EFR3A: variants seen among roughly 807,000 people sequenced by gnomAD.
EFR3A encodes the protein EFR3 homolog A, also known as protein EFR3 homolog A.
Under a neutral mutation model 104.4 loss-of-function variants are expected in EFR3A, and 76 were observed. The ratio of observed to expected loss-of-function variants is 0.73; its 90% confidence interval spans 0.60 to 0.88. EFR3A has a LOEUF of 0.88. Among genes scored for constraint, EFR3A ranks in the 40% least tolerant of loss-of-function variants. EFR3A has a pLI of 0.00. For synonymous variants in EFR3A, 330 were observed against 330.0 expected (o/e 1.00, Z 0.00); for missense variants, 985 against 1,012.5 (o/e 0.97, Z 0.37).
At chr8:131,979,186 A>C (rs1040830367) in intron 13 of EFR3A, among the ~76,000 whole-genome samples, 160 bp from the exon 14 acceptor site, 1 of 152,166 alleles carries the variant, frequency 6.6e-6, no homozygotes, top group South Asian at 2.1e-4. Context: ...TAAGATAACA[A>C]ATTTTTGGAG....
intron 1 of EFR3A, among the ~76,000 whole-genome samples, chr8:131,921,085 A>G (rs1370381520): frequency 6.6e-6 from 1 of 152,144 alleles, no homozygotes; most frequent in African/African-American, 2.4e-5. Flanking sequence ...CTTTTGAAAA[A>G]CACTTGGATT....
At chr8:131,911,037 T>G (rs1287430549) in intron 1 of EFR3A, among the ~76,000 whole-genome samples, 1 of 151,908 alleles carries the variant, frequency 6.6e-6, no homozygotes, top group African/African-American at 2.4e-5. Context: ...AAATTAACCC[T>G]TTTGAGAATC....
At chr8:131,991,252 A>T (rs567682192) in intron 18 of EFR3A, among the ~76,000 whole-genome samples, 25 of 152,250 alleles carry the variant, frequency 1.6e-4, no homozygotes, top group Middle Eastern at 6.8e-3. Context: ...ACCAACCCTC[A>T]TGATTCAGTT....
intron 22 of EFR3A, among the ~76,000 whole-genome samples, chr8:132,004,066 C>G (rs1490404140): frequency 1.3e-5 from 2 of 152,166 alleles, no homozygotes; most frequent in African/African-American, 4.8e-5. Flanking sequence ...CTCTAGGCCA[C>G]TTGCTTTTTT....
At chr8:131,972,737 T>A (rs1434292961) in intron 10 of EFR3A, among the ~76,000 whole-genome samples, 1 of 152,140 alleles carries the variant, frequency 6.6e-6, no homozygotes, top group Non-Finnish European at 1.5e-5. Context: ...TAATAATAGT[T>A]TCAATTAATA....
chr8:132,001,313 C>T (rs931804497), intron 19 of EFR3A, among the ~76,000 whole-genome samples: 1 of 152,160 alleles, frequency 6.6e-6, no homozygotes, highest in African/African-American at 2.4e-5. Flanking sequence ...GTACCAAAAT[C>T]ATAGAGGCTG....
At chr8:132,001,955 C>T in intron 20 of EFR3A, 148 bp downstream of exon 20, 1 of 675,754 alleles carries the variant, frequency 1.5e-6, no homozygotes, top group Non-Finnish European at 2.5e-6. Flanking sequence ...ATTTATTTAG[C>T]TACATGTTTT....
At chr8:131,916,770 T>A (rs1816761620) in intron 1 of EFR3A, among the ~76,000 whole-genome samples, 1 of 152,186 alleles carries the variant, frequency 6.6e-6, no homozygotes, top group Non-Finnish European at 1.5e-5. Context: ...ATTTGAATAT[T>A]CCAATGTAGC....
intron 1 of EFR3A, among the ~76,000 whole-genome samples, chr8:131,928,151 G>T (rs986121217): frequency 1.3e-5 from 2 of 151,540 alleles, no homozygotes; most frequent in Non-Finnish European, 2.9e-5. Context: ...TAATTGATTG[G>T]TTGACTAGTC....
intron 18 of EFR3A, among the ~76,000 whole-genome samples, chr8:131,989,724 A>G (rs190446325): frequency 6.6e-6 from 1 of 152,306 alleles, no homozygotes; most frequent in Non-Finnish European, 1.5e-5. Context: ...TTCAAAGGGT[A>G]GAAAGGTGTT....
chr8:131,998,666 ATTTC>A (rs1821627107), intron 19 of EFR3A, among the ~76,000 whole-genome samples: 1 of 152,056 alleles, frequency 6.6e-6, no homozygotes, highest in Non-Finnish European at 1.5e-5. Context: ...ATAATGCATT[ATTTC>A]TTCTAAAAAT....
At chr8:131,911,300 T>G (rs1170702306) in intron 1 of EFR3A, among the ~76,000 whole-genome samples, 2 of 152,198 alleles carry the variant, frequency 1.3e-5, no homozygotes, top group African/African-American at 4.8e-5. Context: ...CATTATCTTA[T>G]TTTTTCTTAC....
chr8:131,942,517 A>AT (rs1276004326), intron 2 of EFR3A, among the ~76,000 whole-genome samples: 1 of 152,082 alleles, frequency 6.6e-6, no homozygotes, highest in Non-Finnish European at 1.5e-5. Context: ...AATGGAAGTA[A>AT]TAAGTAGTAC....
chr8:131,983,256 GAGCTTT>G (rs1255328647), intron 14 of EFR3A, among the ~76,000 whole-genome samples: 6 of 152,108 alleles, frequency 3.9e-5, no homozygotes, highest in Non-Finnish European at 8.8e-5. Context: ...ACCACATGGG[GAGCTTT>G]ATACTTGAAA....
intron 19 of EFR3A, 57 bp downstream of exon 19, chr8:131,996,554 AT>A: frequency 1.7e-6 from 2 of 1,185,820 alleles, no homozygotes; most frequent in Non-Finnish European, 2.3e-6. Flanking sequence ...ATTTAAAAGA[AT>A]TTTTTGCCTT....
chr8:131,930,801 T>A (rs191766180), intron 1 of EFR3A, among the ~76,000 whole-genome samples: 108 of 152,184 alleles, frequency 7.1e-4, no homozygotes, highest in African/African-American at 2.6e-3. Flanking sequence ...CTGAATGTCA[T>A]AGCATTCATT....
chr8:131,997,429 A>G (rs1821553373), intron 19 of EFR3A, among the ~76,000 whole-genome samples: 1 of 152,114 alleles, frequency 6.6e-6, no homozygotes, highest in African/African-American at 2.4e-5. Flanking sequence ...TGGCCAGAGT[A>G]CAGCCAACTG....
intron 3 of EFR3A, among the ~76,000 whole-genome samples, chr8:131,945,277 C>T (rs1818383184): frequency 1.3e-5 from 2 of 151,584 alleles, no homozygotes; most frequent in African/African-American, 4.8e-5. Context: ...TTTTACCTCT[C>T]GGAGGAGTAA....
At chr8:131,920,213 G>T (rs768702127) in intron 1 of EFR3A, among the ~76,000 whole-genome samples, 1 of 152,148 alleles carries the variant, frequency 6.6e-6, no homozygotes, top group Non-Finnish European at 1.5e-5. Context: ...TGCACTGTGG[G>T]TGGAAAAGCT....
Sources: gnomAD v4.1 joint callset for allele counts (sites outside exome capture counted in the v4.1 genomes callset) on GRCh38, gnomAD v4.1.1 for gene constraint, MANE v1.5 for transcripts, NCBI Gene and HGNC (gene_info 2026-07-23, HGNC 2026-07-21) for gene names.